PTPRT: variants seen among roughly 807,000 people sequenced by gnomAD.
PTPRT encodes receptor-type tyrosine-protein phosphatase T.
PTPRT carries 56 observed loss-of-function variants against 176.8 expected under a neutral mutation model. That is an observed-to-expected ratio of 0.32 (90% CI 0.26 to 0.40). PTPRT has a LOEUF of 0.40. PTPRT is among the 10% of genes least tolerant of loss of function. PTPRT has a pLI of 1.00. For missense variants in PTPRT, 1,540 were observed against 1,908.2 expected (o/e 0.81, Z 3.60); for synonymous variants, 783 against 739.0 (o/e 1.06, Z -0.96).
At chr20:42,204,491 G>C (rs1481134353) in intron 15 of PTPRT, among the ~76,000 whole-genome samples, 2 of 152,228 alleles carry the variant, frequency 1.3e-5, no homozygotes, top group African/African-American at 4.8e-5. Context: ...CTGATAAAAA[G>C]AGAGTATGCA....
chr20:42,197,730 A>G (rs1191620373), intron 16 of PTPRT, among the ~76,000 whole-genome samples: 3 of 152,100 alleles, frequency 2.0e-5, no homozygotes, highest in Admixed American at 1.3e-4. Flanking sequence ...TTTGAAAAAA[A>G]AAACATGGAT....
intron 9 of PTPRT, among the ~76,000 whole-genome samples, chr20:42,433,764 C>G (rs1486954043): frequency 6.6e-6 from 1 of 152,180 alleles, no homozygotes; most frequent in East Asian, 1.9e-4. Context: ...ACATAGTGAG[C>G]TATTATTTAG....
At chr20:43,016,399 G>A (rs982501125) in intron 1 of PTPRT, among the ~76,000 whole-genome samples, 6 of 151,552 alleles carry the variant, frequency 4.0e-5, no homozygotes, top group Non-Finnish European at 5.9e-5. Context: ...CTGCTGTCTC[G>A]CCTCATCCTT....
rs1255314725 is a variant in PTPRT, at chr20:42,556,049, T to G, written c.1154-83487A>C. Among the ~76,000 whole-genome samples the G allele has an allele frequency of 2.0e-5, 3 of 152,180 alleles. No homozygotes were observed. The South Asian group carries it at 6.2e-4, about 32-fold the overall frequency. Reference sequence around the variant, plus strand: ...ATGATAAAACTGAGGCCCAGAGAAGTGATGTAACTCTCTCAAGGCACACAT... The same window carrying G: ...ATGATAAAACTGAGGCCCAGAGAAGGGATGTAACTCTCTCAAGGCACACAT... On this transcript the variant is annotated intron_variant, in intron 7 of 30. Transcript: ENST00000373187.
intron 1 of PTPRT, among the ~76,000 whole-genome samples, chr20:43,073,418 G>C (rs956373946): frequency 8.6e-5 from 13 of 151,430 alleles, no homozygotes; most frequent in African/African-American, 3.1e-4. Context: ...AAATCTTTAG[G>C]GGGAAATGAG....
At chr20:42,998,822 T>C (rs1177041606) in intron 1 of PTPRT, among the ~76,000 whole-genome samples, 1 of 152,196 alleles carries the variant, frequency 6.6e-6, no homozygotes, top group Non-Finnish European at 1.5e-5. Context: ...ACTTGCCCAC[T>C]GTCATATGGT....
chr20:42,677,050 GGA>G (rs2075516894), intron 7 of PTPRT, among the ~76,000 whole-genome samples: 1 of 152,148 alleles, frequency 6.6e-6, no homozygotes, highest in Non-Finnish European at 1.5e-5. Flanking sequence ...GACCTTCAGA[GGA>G]ATAGTCCCAA....
chr20:43,126,567 C>T (rs889398737), intron 1 of PTPRT, among the ~76,000 whole-genome samples: 1 of 152,172 alleles, frequency 6.6e-6, no homozygotes, highest in Non-Finnish European at 1.5e-5. Flanking sequence ...TTCACCTGAA[C>T]TCTGTAGTTT....
chr20:42,828,787 C>T (rs1272698854), intron 2 of PTPRT, among the ~76,000 whole-genome samples: 2 of 152,142 alleles, frequency 1.3e-5, no homozygotes, highest in African/African-American at 2.4e-5. Flanking sequence ...GAAACCTCCA[C>T]CTAGATTTCA....
At chr20:43,036,738 A>G (rs1179378639) in intron 1 of PTPRT, among the ~76,000 whole-genome samples, 1 of 152,206 alleles carries the variant, frequency 6.6e-6, no homozygotes, top group Non-Finnish European at 1.5e-5. Flanking sequence ...ATAATTACAG[A>G]CTAGGTAGGA....
chr20:43,185,467 C>T (rs1418559948), intron 1 of PTPRT, among the ~76,000 whole-genome samples: 3 of 152,174 alleles, frequency 2.0e-5, no homozygotes, highest in East Asian at 3.8e-4. Flanking sequence ...AATATGTAGC[C>T]ATTTGTGGTT....
At chr20:42,631,566 C>T (rs1463329195) in intron 7 of PTPRT, among the ~76,000 whole-genome samples, 1 of 152,074 alleles carries the variant, frequency 6.6e-6, no homozygotes, top group Admixed American at 6.5e-5. Context: ...GTGAGGTAGG[C>T]CCAATAACAT....
intron 7 of PTPRT, among the ~76,000 whole-genome samples, chr20:42,590,284 G>A (rs1478313176): frequency 1.3e-5 from 2 of 151,990 alleles, no homozygotes; most frequent in Non-Finnish European, 2.9e-5. Flanking sequence ...CCACAGGAAG[G>A]AGCCCCCAAA....
At chr20:42,480,413 T>C (rs1036452201) in intron 7 of PTPRT, among the ~76,000 whole-genome samples, 3 of 152,170 alleles carry the variant, frequency 2.0e-5, no homozygotes, top group Non-Finnish European at 4.4e-5. Flanking sequence ...CTGAGTCTAG[T>C]TGACTACTGG....
At chr20:42,538,638 A>G (rs2072519127) in intron 7 of PTPRT, among the ~76,000 whole-genome samples, 1 of 152,194 alleles carries the variant, frequency 6.6e-6, no homozygotes. Context: ...ATTGCTCAGT[A>G]CAGAGACAGT....
At chr20:42,996,589 T>G (rs1344846556) in intron 1 of PTPRT, among the ~76,000 whole-genome samples, 1 of 152,108 alleles carries the variant, frequency 6.6e-6, no homozygotes, top group East Asian at 1.9e-4. Context: ...TTTAACAACC[T>G]CAATGAATCC....
chr20:42,492,825 G>T (rs2071584690), intron 7 of PTPRT, among the ~76,000 whole-genome samples: 2 of 152,104 alleles, frequency 1.3e-5, no homozygotes, highest in Non-Finnish European at 2.9e-5. Flanking sequence ...TTTTTGTGAT[G>T]ATTTTGAGTG....
At chr20:43,128,607 G>A (rs931465886) in intron 1 of PTPRT, among the ~76,000 whole-genome samples, 1 of 152,158 alleles carries the variant, frequency 6.6e-6, no homozygotes, top group Non-Finnish European at 1.5e-5. Flanking sequence ...ATGAGAAGAG[G>A]TTTCCTAATA....
intron 7 of PTPRT, among the ~76,000 whole-genome samples, chr20:42,660,915 G>T (rs1050969364): frequency 6.6e-6 from 1 of 152,122 alleles, no homozygotes; most frequent in Non-Finnish European, 1.5e-5. Context: ...GCAGTGGCAT[G>T]ATGTCGGCTC....
Sources: allele counts gnomAD v4.1 joint callset (sites outside exome capture counted in the v4.1 genomes callset), GRCh38; gene constraint gnomAD v4.1.1; transcripts MANE v1.5; gene names NCBI Gene and HGNC (gene_info 2026-07-23, HGNC 2026-07-21).